LYPD5: variants seen among roughly 807,000 people sequenced by gnomAD.
LYPD5 encodes LY6/PLAUR domain containing 5.
A neutral mutation model predicts 19.1 loss-of-function variants in LYPD5; 21 were observed. That is an observed-to-expected ratio of 1.10 (90% CI 0.78 to 1.58). The LOEUF is 1.58. Among genes scored for constraint, LYPD5 ranks in the 40% most tolerant of loss-of-function variants. LYPD5 has a pLI of 0.00. For synonymous variants in LYPD5, 128 were observed against 142.7 expected (o/e 0.90, Z 0.74); for missense variants, 287 against 329.8 (o/e 0.87, Z 1.00).
chr19:43,802,237 GCCCCCA>G (rs72214885), intron 1 of LYPD5, 74 bp downstream of exon 1: 547,766 of 1,327,252 alleles, frequency 0.41, 125,817 homozygotes, highest in South Asian at 0.58. Context: ...AGGAGTCCAG[GCCCCCA>G]GTCTCTCCTC....
intron 1 of LYPD5, among the ~76,000 whole-genome samples, chr19:43,819,409 C>T (rs575546722): frequency 5.3e-5 from 8 of 151,782 alleles, no homozygotes; most frequent in African/African-American, 1.7e-4. Flanking sequence ...CTCAGCCTCC[C>T]GAGGGGTCTA....
upstream of LYPD5, among the ~76,000 whole-genome samples, chr19:43,805,548 C>T (rs1182349295): frequency 1.3e-5 from 2 of 152,156 alleles, no homozygotes; most frequent in Non-Finnish European, 2.9e-5. Context: ...CACTCTGTTG[C>T]CCAAGCTGGA....
In LYPD5 at chr19:43,797,901, T is replaced by C. The variant is rs1007319289; in HGVS notation, c.518-72A>G. On this transcript the variant is annotated intron_variant, in intron 4 of 4. Transcript: ENST00000377950. ...AGCTGCACCTGAACCTTCACCTTGGTAGCTAGGGCCATGCCTCGGTCCTCA... is the reference window on the plus strand; with the variant it reads ...AGCTGCACCTGAACCTTCACCTTGGCAGCTAGGGCCATGCCTCGGTCCTCA... 5 of 1,203,484 alleles carry C rather than the reference T, an allele frequency of 4.2e-6. No homozygotes were observed. In the African/African-American group the frequency reaches 7.5e-5, roughly 18 times the overall value. The allele number at this position is 1,203,484 out of a possible 1,614,324, so 74.6% of individuals were successfully genotyped here.
At chr19:43,804,758 C>T (rs1434015606), upstream of LYPD5, among the ~76,000 whole-genome samples, 4 of 152,094 alleles carry the variant, frequency 2.6e-5, no homozygotes, top group Non-Finnish European at 4.4e-5. Flanking sequence ...CTATCCAGAC[C>T]GGGGCAGGGT....
chr19:43,799,835 C>T lies in LYPD5; in HGVS notation c.65-1G>A, dbSNP rs781304233. The T allele has an allele frequency of 6.2e-7, 1 of 1,609,836 alleles. No individual in the cohort carries two copies. Among genetic ancestry groups the T allele is most frequent in the Admixed American group, 1.7e-5 (1 of 59,400 alleles). On this transcript the variant is annotated splice_acceptor_variant, in intron 1 of 4. Transcript: ENST00000377950. LOFTEE classifies it high-confidence loss of function. ...CTGTAGCACTGCAGGGCTTGGGACC[C>T]TGGGGAGAGAGGCGTGGCAGAGTCA...
At chr19:43,806,996 G>A (rs140242760), upstream of LYPD5, among the ~76,000 whole-genome samples, 4 of 152,302 alleles carry the variant, frequency 2.6e-5, no homozygotes, top group African/African-American at 9.6e-5. Context: ...GTATAACCAT[G>A]TTGTATGTAG....
intron 1 of LYPD5, among the ~76,000 whole-genome samples, chr19:43,808,716 CTTTG>C (rs1490151062): frequency 2.6e-5 from 4 of 152,148 alleles, no homozygotes; most frequent in African/African-American, 2.4e-5. Flanking sequence ...CCCCTTGCAA[CTTTG>C]TTTTTCTCAA....
At chr19:43,817,986 T>C (rs1395030800) in intron 1 of LYPD5, among the ~76,000 whole-genome samples, 2 of 152,164 alleles carry the variant, frequency 1.3e-5, no homozygotes, top group Admixed American at 6.5e-5. Flanking sequence ...AGTGCTGGGA[T>C]TACAGGCATG....
At position 43,796,504 on chromosome 19, in the gene LYPD5, T is replaced by A. The variant is rs1318026903; in HGVS notation, c.*1087A>T. The A allele has an allele frequency of 6.6e-6, 1 of 152,606 alleles. No homozygotes were observed. Among genetic ancestry groups the A allele is most frequent in the Non-Finnish European group, 1.5e-5 (1 of 68,060 alleles). The allele number at this position is 152,606 out of a possible 1,614,324, so 9.5% of individuals were successfully genotyped here. ...CCTCCTGCTTCTTTTTGCCAGCTAC[T>A]ATTGATCCTTTAGGATTTTGCTCAA... On this transcript the variant is annotated 3_prime_UTR_variant, in exon 5 of 5. Coordinates refer to ENST00000377950, the MANE Select transcript of LYPD5 (RefSeq NM_001031749.3).
Position 43,796,598 on chromosome 19 carries a change from C to A in LYPD5, c.*993G>T, listed in dbSNP as rs1212730948. On this transcript the variant is annotated 3_prime_UTR_variant, in exon 5 of 5. Transcript: ENST00000377950. ...GAGAATTTCACCTCGCTGAACTTTG[C>A]CTTGTGTGTTTTTCTGTGAAGTTAA... 1 of 152,214 alleles carries A rather than the reference C, an allele frequency of 6.6e-6. No individual in the cohort carries two copies. The highest frequency in any genetic ancestry group is 1.5e-5 in the Non-Finnish European group (1 of 68,030). The allele number at this position is 152,214 out of a possible 1,614,324, so 9.4% of individuals were successfully genotyped here.
At chr19:43,798,060 AT>A (rs1970158265) in intron 4 of LYPD5, among the ~76,000 whole-genome samples, 2 of 142,316 alleles carry the variant, frequency 1.4e-5, no homozygotes, top group Admixed American at 7.0e-5. Flanking sequence ...ACCAGGGGCC[AT>A]GCCTCCTCCC....
At chr19:43,811,984 T>G (rs563977068) in intron 1 of LYPD5, among the ~76,000 whole-genome samples, 1 of 152,276 alleles carries the variant, frequency 6.6e-6, no homozygotes, top group South Asian at 2.1e-4. Flanking sequence ...TGGGCTGGCT[T>G]GACTGATTTC....
At chr19:43,798,430 C>T (rs758700122) in intron 4 of LYPD5, 25 bp downstream of exon 4, 8 of 1,602,418 alleles carry the variant, frequency 5.0e-6, no homozygotes, top group Non-Finnish European at 6.8e-6. Flanking sequence ...CTTGCCCAGG[C>T]CCTTCCACCC....
At position 43,797,763 on chromosome 19, in the gene LYPD5, G is replaced by A. The variant is rs1279654253; in HGVS notation, c.584C>T (p.Thr195Ile). The A allele has an allele frequency of 6.2e-7, 1 of 1,613,878 alleles. No homozygotes were observed. Among genetic ancestry groups the A allele is most frequent in the African/African-American group, 1.3e-5 (1 of 74,872 alleles). ...HRPSCTTEGTTSPWTAIDLQG... is the reference protein window; with the variant it reads ...HRPSCTTEGTISPWTAIDLQG... ...GAGGTCGATGGCTGTCCAGGGGCTG[G>A]TGGTGCCCTCGGTGGTGCAGGAGGG... Residue 195 changes from threonine to isoleucine, a missense_variant, in exon 5 of 5, where the codon ACC becomes ATC. Thr to Ile is a moderately conservative substitution (Grantham distance 89). Coordinates refer to ENST00000377950, the MANE Select transcript of LYPD5 (RefSeq NM_001031749.3).
rs1357319682 is a variant in LYPD5, at chr19:43,799,729, T to A, written c.170A>T (p.Glu57Val). The change falls in exon 2 of 5, where the codon GAG becomes GTG. Residue 57 changes from glutamate (E) to valine (V), a missense_variant. Transcript: ENST00000377950. ...ACCGGTGTCCAGAGACAGGATAGCC[T>A]CAAAGCACTCATGAGGACAGGAGAT... ...PSISCPHECF[E>V]AILSLDTGYR... 1 of 1,613,760 alleles carries A rather than the reference T, an allele frequency of 6.2e-7. No homozygotes were observed. The highest frequency in any genetic ancestry group is 1.1e-5 in the South Asian group (1 of 91,006).
At chr19:43,815,475 G>C (rs1375108513) in intron 1 of LYPD5, among the ~76,000 whole-genome samples, 1 of 152,014 alleles carries the variant, frequency 6.6e-6, no homozygotes, top group Non-Finnish European at 1.5e-5. Flanking sequence ...TCGGGAGGCT[G>C]AGGTGGGAGG....
Position 43,797,794 on chromosome 19 carries a change from G to A in LYPD5, c.553C>T (p.His185Tyr). The change falls in exon 5 of 5, where the codon CAC (histidine) becomes TAC (tyrosine). Residue 185 changes from histidine (H) to tyrosine (Y), a missense_variant. Transcript: ENST00000377950. ...FSVPVYIRTCHRPSCTTEGTT... is the reference protein window; with the variant it reads ...FSVPVYIRTCYRPSCTTEGTT... ...CCCTCGGTGGTGCAGGAGGGCCGGTGGCAGGTTCTGATGTACACAGGGACT... is the reference window on the plus strand; with the variant it reads ...CCCTCGGTGGTGCAGGAGGGCCGGTAGCAGGTTCTGATGTACACAGGGACT... The A allele has an allele frequency of 1.2e-6, 2 of 1,613,808 alleles. No homozygotes were observed. The highest frequency in any genetic ancestry group is 1.7e-6 in the Non-Finnish European group (2 of 1,179,880).
chr19:43,814,713 G>A (rs1162723947), intron 1 of LYPD5, among the ~76,000 whole-genome samples: 3 of 152,176 alleles, frequency 2.0e-5, no homozygotes, highest in Non-Finnish European at 4.4e-5. Context: ...ATGATGTCAT[G>A]AATGTGAATT....
At chr19:43,802,607 T>A (rs1970238152), upstream of LYPD5, 1 of 567,130 alleles carries the variant, frequency 1.8e-6, no homozygotes, top group Admixed American at 3.1e-5. Flanking sequence ...GAACTAGAAG[T>A]CTGGAACCCT....
Sources: gnomAD v4.1 joint callset for allele counts (sites outside exome capture counted in the v4.1 genomes callset) on GRCh38, gnomAD v4.1.1 for gene constraint, MANE v1.5 for transcripts, NCBI Gene and HGNC (gene_info 2026-07-23, HGNC 2026-07-21) for gene names.